Variants in LRRC4C observed in about 807,000 individuals in gnomAD.
The protein encoded by LRRC4C is leucine-rich repeat-containing protein 4C.
A neutral mutation model predicts 33.6 loss-of-function variants in LRRC4C; 5 were observed. The observed-to-expected ratio is 0.15, with a 90% CI of 0.08 to 0.31. The LOEUF (loss-of-function observed/expected upper bound fraction) is 0.31. Among genes scored for constraint, LRRC4C ranks in the 10% least tolerant of loss-of-function variants. LRRC4C has a pLI of 1.00. For missense variants in LRRC4C, 560 were observed against 796.7 expected, an observed-to-expected ratio of 0.70 and a Z score of 3.58; for synonymous variants, 329 against 302.0, an observed-to-expected ratio of 1.09 and a Z score of -0.93.
intron 3 of LRRC4C, among the ~76,000 whole-genome samples, chr11:40,462,331 A>C (rs1055932403): frequency 6.6e-6 from 1 of 152,120 alleles, no homozygotes; most frequent in Non-Finnish European, 1.5e-5. Context: ...AATTGGAAGC[A>C]GAGATTTGCT....
intron 1 of LRRC4C, among the ~76,000 whole-genome samples, chr11:41,451,405 G>A (rs750142668): frequency 6.6e-6 from 1 of 151,988 alleles, no homozygotes; most frequent in African/African-American, 2.4e-5. Context: ...GTGTATTTAT[G>A]TATATGGTGC....
At chr11:40,825,058 G>T (rs1000595534) in intron 2 of LRRC4C, among the ~76,000 whole-genome samples, 2 of 151,822 alleles carry the variant, frequency 1.3e-5, no homozygotes, top group Non-Finnish European at 2.9e-5. Flanking sequence ...ACATTGTGTA[G>T]GTGCTTCCAC....
chr11:41,057,654 G>T (rs953669803), intron 1 of LRRC4C, among the ~76,000 whole-genome samples: 1 of 152,178 alleles, frequency 6.6e-6, no homozygotes, highest in Non-Finnish European at 1.5e-5. Flanking sequence ...CAGACTTCAG[G>T]ACAACCAGCT....
intron 1 of LRRC4C, among the ~76,000 whole-genome samples, chr11:41,128,783 A>G (rs1942873569): frequency 6.6e-6 from 1 of 151,950 alleles, no homozygotes; most frequent in Non-Finnish European, 1.5e-5. Flanking sequence ...TTTTTAGGCC[A>G]CTGTTTCCCA....
At chr11:40,344,103 C>T (rs1049982127) in intron 3 of LRRC4C, among the ~76,000 whole-genome samples, 10 of 152,110 alleles carry the variant, frequency 6.6e-5, no homozygotes, top group Middle Eastern at 3.4e-3. Flanking sequence ...TCTTCTGAAA[C>T]GATTCTGAAG....
chr11:40,258,650 G>C (rs1477294248), intron 4 of LRRC4C, among the ~76,000 whole-genome samples: 1 of 152,168 alleles, frequency 6.6e-6, no homozygotes, highest in East Asian at 1.9e-4. Flanking sequence ...TCTACTCTGA[G>C]TTGTTAGGCT....
chr11:41,235,046 G>T (rs1210754454), intron 1 of LRRC4C, among the ~76,000 whole-genome samples: 4 of 151,718 alleles, frequency 2.6e-5, no homozygotes, highest in African/African-American at 9.7e-5. Context: ...AAAATGGAAG[G>T]GTTCTATAAA....
chr11:40,990,228 GTT>G (rs1375248779), intron 1 of LRRC4C, among the ~76,000 whole-genome samples: 3 of 68,194 alleles, frequency 4.4e-5, no homozygotes, highest in Admixed American at 4.3e-4. Context: ...AGTATGTCAA[GTT>G]TTATATATAT....
At chr11:40,552,398 C>T (rs1230427052) in intron 3 of LRRC4C, among the ~76,000 whole-genome samples, 2 of 152,168 alleles carry the variant, frequency 1.3e-5, no homozygotes, top group African/African-American at 4.8e-5. Flanking sequence ...TCCTCAACAT[C>T]ATGCAGACTT....
intron 3 of LRRC4C, among the ~76,000 whole-genome samples, chr11:40,383,640 C>A (rs944267514): frequency 9.2e-5 from 14 of 152,114 alleles, no homozygotes; most frequent in African/African-American, 3.1e-4. Flanking sequence ...TATGTGTTGG[C>A]CATTTGTATA....
intron 1 of LRRC4C, among the ~76,000 whole-genome samples, chr11:41,375,157 A>G (rs1335915506): frequency 6.6e-6 from 1 of 152,154 alleles, no homozygotes; most frequent in Non-Finnish European, 1.5e-5. Context: ...TTACAGAAAA[A>G]TAATTAGTGA....
chr11:40,806,863 C>G lies in LRRC4C; in HGVS notation c.-407+126772G>C, dbSNP rs1224127236. Among the ~76,000 whole-genome samples the G allele has an allele frequency of 2.6e-5, 4 of 152,114 alleles. 1 individual carries two copies. The highest frequency in any genetic ancestry group is 6.8e-3 in the Middle Eastern group (2 of 292). On this transcript the variant is annotated intron_variant, in intron 2 of 6. Coordinates refer to ENST00000528697, the MANE Select transcript of LRRC4C (RefSeq NM_001258419.2). ...ATTCCTGATGTCTGCTAGGAGACAG[C>G]GTATAGCCAGTCTTGAATTAAAAAT...
intron 3 of LRRC4C, among the ~76,000 whole-genome samples, chr11:40,519,816 T>C (rs1955733426): frequency 6.6e-6 from 1 of 152,130 alleles, no homozygotes; most frequent in South Asian, 2.1e-4. Context: ...TTCGAAAACA[T>C]AAAAGGGCAA....
chr11:40,194,840 G>A (rs1862125589), intron 5 of LRRC4C, among the ~76,000 whole-genome samples: 1 of 152,164 alleles, frequency 6.6e-6, no homozygotes, highest in African/African-American at 2.4e-5. Context: ...TGTAATCCCA[G>A]CACTTTGGGA....
intron 3 of LRRC4C, among the ~76,000 whole-genome samples, chr11:40,457,453 C>A (rs763793862): frequency 6.6e-6 from 1 of 152,078 alleles, no homozygotes; most frequent in Non-Finnish European, 1.5e-5. Flanking sequence ...TAAGGCAGGG[C>A]ACTTGTATCA....
intron 1 of LRRC4C, among the ~76,000 whole-genome samples, chr11:41,346,304 C>T (rs1457591990): frequency 2.0e-5 from 3 of 152,190 alleles, no homozygotes; most frequent in African/African-American, 7.2e-5. Context: ...TCATTCTGCA[C>T]TTGTAATCAG....
At chr11:41,447,859 T>C (rs1246407767) in intron 1 of LRRC4C, among the ~76,000 whole-genome samples, 1 of 152,184 alleles carries the variant, frequency 6.6e-6, no homozygotes, top group Non-Finnish European at 1.5e-5. Context: ...TACAAATACT[T>C]GTGTGTTTGA....
intron 3 of LRRC4C, among the ~76,000 whole-genome samples, chr11:40,533,602 A>G (rs987267665): frequency 6.6e-6 from 1 of 152,100 alleles, no homozygotes; most frequent in African/African-American, 2.4e-5. Context: ...AGATTTATTC[A>G]GGTTTTATAG....
At chr11:40,906,840 AAAAG>A (rs1956442660) in intron 2 of LRRC4C, among the ~76,000 whole-genome samples, 1 of 152,196 alleles carries the variant, frequency 6.6e-6, no homozygotes, top group Admixed American at 6.5e-5. Flanking sequence ...CACACACAGA[AAAAG>A]AAAAGATAAA....
Sources: gnomAD v4.1 joint callset for allele counts (sites outside exome capture counted in the v4.1 genomes callset) on GRCh38, gnomAD v4.1.1 for gene constraint, MANE v1.5 for transcripts, NCBI Gene and HGNC (gene_info 2026-07-23, HGNC 2026-07-21) for gene names.